CTNND2: variants seen among roughly 807,000 people sequenced by gnomAD.
CTNND2 encodes catenin delta-2.
CTNND2 carries 22 observed loss-of-function variants against 144.4 expected under a neutral mutation model. The ratio of observed to expected loss-of-function variants is 0.15; its 90% confidence interval spans 0.11 to 0.22. CTNND2 has a LOEUF of 0.22. CTNND2 is among the 10% of genes least tolerant of loss of function. The pLI, the probability that CTNND2 is intolerant of heterozygous loss-of-function variation, is 1.00. For synonymous variants in CTNND2, 751 were observed against 695.6 expected (o/e 1.08, Z -1.25); for missense variants, 1,353 against 1,618.8 (o/e 0.84, Z 2.82).
intron 1 of CTNND2, among the ~76,000 whole-genome samples, chr5:11,799,075 T>G (rs1484635223): frequency 3.3e-5 from 5 of 152,194 alleles, no homozygotes; most frequent in Non-Finnish European, 7.3e-5. Context: ...GAGTGATCCT[T>G]GAGTAAGTTA....
intron 1 of CTNND2, among the ~76,000 whole-genome samples, chr5:11,816,318 C>CT (rs1243007673): frequency 6.6e-6 from 1 of 152,048 alleles, no homozygotes; most frequent in African/African-American, 2.4e-5. Context: ...CAGAGAGATC[C>CT]TGTCCCCAAG....
intron 9 of CTNND2, among the ~76,000 whole-genome samples, chr5:11,269,105 C>T (rs1419429326): frequency 6.6e-6 from 1 of 152,206 alleles, no homozygotes; most frequent in South Asian, 2.1e-4. Context: ...TGCTTACTGA[C>T]TGTGAGACTG....
At chr5:11,656,890 G>C (rs745821573) in intron 2 of CTNND2, among the ~76,000 whole-genome samples, 1 of 152,102 alleles carries the variant, frequency 6.6e-6, no homozygotes, top group South Asian at 2.1e-4. Context: ...GGCCATGGCA[G>C]AATTCTCAAA....
At chr5:11,685,285 C>A (rs939039023) in intron 2 of CTNND2, among the ~76,000 whole-genome samples, 2 of 152,148 alleles carry the variant, frequency 1.3e-5, no homozygotes, top group Non-Finnish European at 2.9e-5. Flanking sequence ...AAGGTGAACA[C>A]ATATTCAGTC....
chr5:11,004,594 T>C (rs1740285990), intron 18 of CTNND2, among the ~76,000 whole-genome samples: 1 of 151,972 alleles, frequency 6.6e-6, no homozygotes, highest in African/African-American at 2.4e-5. Flanking sequence ...AGAAACCCTG[T>C]CTCTACTAAA....
At chr5:11,237,068 G>C (rs1214637139) in intron 9 of CTNND2, among the ~76,000 whole-genome samples, 6 of 150,438 alleles carry the variant, frequency 4.0e-5, no homozygotes, top group Non-Finnish European at 7.4e-5. Flanking sequence ...CGCCCAGGCT[G>C]GAGTGCAGTG....
In CTNND2 at chr5:11,315,917, T is replaced by C. The variant is rs117828700; in HGVS notation, c.1628+30455A>G. Among the ~76,000 whole-genome samples the C allele has an allele frequency of 3.3e-5, 5 of 152,314 alleles. No individual in the cohort carries two copies. In the East Asian group the frequency reaches 9.6e-4, roughly 29 times the overall value. ...CCAGTAGATAGAAATCAATTTCATA[T>C]AATACCCTGAGCAGTGACTAAAAAG... On this transcript the variant is annotated intron_variant, in intron 9 of 21. Coordinates refer to ENST00000304623, the MANE Select transcript of CTNND2 (RefSeq NM_001332.4).
intron 7 of CTNND2, among the ~76,000 whole-genome samples, chr5:11,377,571 A>C (rs1344462019): frequency 6.6e-6 from 1 of 152,194 alleles, no homozygotes; most frequent in African/African-American, 2.4e-5. Context: ...GCTTTCACAG[A>C]ATTCTATATA....
intron 3 of CTNND2, among the ~76,000 whole-genome samples, chr5:11,419,918 T>C (rs1762233084): frequency 6.6e-6 from 1 of 152,208 alleles, no homozygotes; most frequent in African/African-American, 2.4e-5. Context: ...CACAATATCT[T>C]TCAAAATGAA....
intron 2 of CTNND2, among the ~76,000 whole-genome samples, chr5:11,615,438 C>T (rs1322383522): frequency 6.6e-6 from 1 of 151,972 alleles, no homozygotes; most frequent in African/African-American, 2.4e-5. Context: ...TAATGTAAGG[C>T]CATTCATCAA....
At chr5:11,674,716 T>TTGG (rs1784079745) in intron 2 of CTNND2, among the ~76,000 whole-genome samples, 3 of 150,886 alleles carry the variant, frequency 2.0e-5, no homozygotes, top group Admixed American at 6.6e-5. Flanking sequence ...TGTTTGTTTG[T>TTGG]TTGGTTGGTT....
At chr5:11,167,746 A>G (rs1263112107) in intron 11 of CTNND2, among the ~76,000 whole-genome samples, 1 of 149,812 alleles carries the variant, frequency 6.7e-6, no homozygotes. Context: ...CCCAGGTTAG[A>G]GTGCAGCGGC....
chr5:11,829,852 C>G (rs575213232), intron 1 of CTNND2, among the ~76,000 whole-genome samples: 114 of 152,290 alleles, frequency 7.5e-4, no homozygotes, highest in African/African-American at 2.6e-3. Flanking sequence ...CACAGACACT[C>G]AAAGTAAGCC....
At chr5:11,347,829 A>G (rs1754949352) in intron 8 of CTNND2, among the ~76,000 whole-genome samples, 1 of 152,226 alleles carries the variant, frequency 6.6e-6, no homozygotes, top group Admixed American at 6.5e-5. Context: ...GGGGACATAT[A>G]CCAAATCAGA....
At chr5:11,775,941 T>A (rs1790228858) in intron 1 of CTNND2, among the ~76,000 whole-genome samples, 1 of 151,900 alleles carries the variant, frequency 6.6e-6, no homozygotes, top group African/African-American at 2.4e-5. Flanking sequence ...GACGGCCATA[T>A]GAAGGTGGAG....
At chr5:11,482,943 T>C (rs2149978948) in intron 3 of CTNND2, among the ~76,000 whole-genome samples, 1 of 152,006 alleles carries the variant, frequency 6.6e-6, no homozygotes, top group East Asian at 1.9e-4. Context: ...AGACGGCATG[T>C]GTGGAGCCTT....
chr5:11,404,502 T>G (rs1425742256), intron 5 of CTNND2, among the ~76,000 whole-genome samples: 1 of 151,042 alleles, frequency 6.6e-6, no homozygotes, highest in African/African-American at 2.4e-5. Context: ...GTGCCTACAG[T>G]GATATAACAA....
intron 16 of CTNND2, among the ~76,000 whole-genome samples, chr5:11,059,867 T>C (rs1043129031): frequency 6.6e-6 from 1 of 152,192 alleles, no homozygotes. Flanking sequence ...TGTGTATATA[T>C]ATAGATATAC....
chr5:11,812,663 CT>C (rs1447315051), intron 1 of CTNND2, among the ~76,000 whole-genome samples: 2 of 152,156 alleles, frequency 1.3e-5, no homozygotes, highest in Middle Eastern at 3.2e-3. Flanking sequence ...AAGCTGAGCA[CT>C]TTCGTTTGAT....
Sources: allele counts gnomAD v4.1 joint callset (sites outside exome capture counted in the v4.1 genomes callset), GRCh38; gene constraint gnomAD v4.1.1; transcripts MANE v1.5; gene names NCBI Gene and HGNC (gene_info 2026-07-23, HGNC 2026-07-21).